Variants in DMD observed in about 807,000 individuals in gnomAD.
DMD encodes dystrophin.
Under a neutral mutation model 330.1 loss-of-function variants are expected in DMD, and 63 were observed. The observed-to-expected ratio is 0.19, with a 90% CI of 0.16 to 0.24. The LOEUF (loss-of-function observed/expected upper bound fraction) is 0.24, where lower values mean the gene tolerates loss of function less well. DMD is among the 10% of genes least tolerant of loss of function. The pLI is 1.00. For synonymous variants in DMD, 1,223 were observed against 959.8 expected (o/e 1.27, Z -5.07); for missense variants, 3,344 against 2,684.1 (o/e 1.25, Z -5.43).
At chrX:32,580,673 T>TA (rs1371498615) in intron 13 of DMD, among the ~76,000 whole-genome samples, 1 of 112,170 alleles carries the variant, frequency 8.9e-6, no homozygotes, top group Admixed American at 9.4e-5. Context: ...GATAGAATTT[T>TA]AATATAGAAC....
At chrX:32,987,396 T>C (rs1394786489) in intron 2 of DMD, among the ~76,000 whole-genome samples, 1 of 111,294 alleles carries the variant, frequency 9.0e-6, no homozygotes, top group Admixed American at 9.7e-5. Context: ...CTGATTGATG[T>C]GTGAATATGC....
intron 67 of DMD, among the ~76,000 whole-genome samples, chrX:31,194,742 A>T (rs1297525324): frequency 8.9e-6 from 1 of 112,385 alleles, no homozygotes; most frequent in Non-Finnish European, 1.9e-5. Flanking sequence ...GGTTGTGGGC[A>T]AGGCAGGAGG....
chrX:32,982,647 G>A (rs1051486718), intron 2 of DMD, among the ~76,000 whole-genome samples: 2 of 111,193 alleles, frequency 1.8e-5, no homozygotes, highest in Non-Finnish European at 3.8e-5. Flanking sequence ...TGGTTTACTG[G>A]GTCTGGAGCA....
intron 27 of DMD, among the ~76,000 whole-genome samples, chrX:32,444,495 A>T (rs1450566613): frequency 9.0e-6 from 1 of 111,392 alleles, no homozygotes; most frequent in Non-Finnish European, 1.9e-5. Flanking sequence ...CATTAGTTGT[A>T]ACAAATGGTA....
chrX:31,557,333 T>C (rs1449015430), intron 55 of DMD, among the ~76,000 whole-genome samples: 1 of 111,598 alleles, frequency 9.0e-6, no homozygotes, highest in African/African-American at 3.3e-5. Flanking sequence ...CAAACTTCTA[T>C]GGGTAATTAC....
chrX:32,412,110 A>G (rs1463927775), intron 29 of DMD, 197 bp from the exon 30 acceptor site: 5 of 1,162,214 alleles, frequency 4.3e-6, no homozygotes, highest in Non-Finnish European at 5.8e-6. Flanking sequence ...ATAGCAAACA[A>G]AACTATAGGA....
chrX:31,405,426 T>C (rs2061365682), intron 60 of DMD, among the ~76,000 whole-genome samples: 1 of 111,885 alleles, frequency 8.9e-6, no homozygotes, highest in Non-Finnish European at 1.9e-5. Context: ...CACCCTTTTG[T>C]CCCTTTAATA....
At chrX:33,071,153 T>TA (rs1434411461) in intron 1 of DMD, among the ~76,000 whole-genome samples, 3 of 111,261 alleles carry the variant, frequency 2.7e-5, no homozygotes, top group Admixed American at 1.9e-4. Flanking sequence ...TTTCCTTTTC[T>TA]AAAAAATGGA....
At chrX:32,832,929 A>T (rs1337809725) in intron 4 of DMD, among the ~76,000 whole-genome samples, 3 of 111,163 alleles carry the variant, frequency 2.7e-5, no homozygotes, top group African/African-American at 9.8e-5. Flanking sequence ...TTTGATTCAG[A>T]TATAGAAATT....
chrX:32,345,771 G>A (rs1213101557), intron 39 of DMD, among the ~76,000 whole-genome samples, 172 bp downstream of exon 39: 1 of 109,638 alleles, frequency 9.1e-6, no homozygotes, highest in Non-Finnish European at 1.9e-5. Flanking sequence ...GCAACACATC[G>A]TTCAAAATCA....
At chrX:32,401,753 G>C (rs753781691) in intron 30 of DMD, among the ~76,000 whole-genome samples, 31 of 112,666 alleles carry the variant, frequency 2.8e-4, no homozygotes, top group African/African-American at 1.0e-3. Context: ...AGATGCTTAA[G>C]GTGATAGACA....
chrX:31,546,809 C>A (rs1330145368), intron 55 of DMD, among the ~76,000 whole-genome samples: 1 of 112,185 alleles, frequency 8.9e-6, no homozygotes, highest in African/African-American at 3.2e-5. Flanking sequence ...GAAATGCCTG[C>A]AGGCAGGGAT....
intron 1 of DMD, among the ~76,000 whole-genome samples, chrX:33,193,709 T>C (rs1012632279): frequency 4.4e-5 from 5 of 112,368 alleles, no homozygotes; most frequent in African/African-American, 1.6e-4. Context: ...TGATAGCATG[T>C]TATTTTTAGA....
intron 2 of DMD, among the ~76,000 whole-genome samples, chrX:32,994,239 C>A (rs745627901): frequency 9.1e-6 from 1 of 109,387 alleles, no homozygotes; most frequent in Non-Finnish European, 1.9e-5. Flanking sequence ...TTCTCACTTC[C>A]GCTGTTTCCC....
chrX:32,714,993 G>A (rs529724096), intron 7 of DMD, among the ~76,000 whole-genome samples: 2 of 110,555 alleles, frequency 1.8e-5, no homozygotes, highest in African/African-American at 6.6e-5. Flanking sequence ...TAAAAATTCT[G>A]AATACAACAC....
chrX:31,439,213 C>T (rs762303220), intron 60 of DMD, among the ~76,000 whole-genome samples: 1 of 111,591 alleles, frequency 9.0e-6, no homozygotes, highest in South Asian at 3.8e-4. Flanking sequence ...GGTGGGCCAT[C>T]ATGGAAGTAA....
chrX:32,961,489 A>G (rs1250169079), intron 2 of DMD, among the ~76,000 whole-genome samples: 1 of 111,554 alleles, frequency 9.0e-6, no homozygotes, highest in African/African-American at 3.3e-5. Flanking sequence ...CAGAAACTCA[A>G]TAAATCTTTG....
At chrX:31,276,345 C>T (rs2052116931) in intron 62 of DMD, among the ~76,000 whole-genome samples, 1 of 112,054 alleles carries the variant, frequency 8.9e-6, no homozygotes. Flanking sequence ...AGGTGTGAGC[C>T]ACCATGCCCA....
intron 55 of DMD, among the ~76,000 whole-genome samples, chrX:31,624,586 C>T (rs2078738192): frequency 8.9e-6 from 1 of 112,171 alleles, no homozygotes; most frequent in Middle Eastern, 4.2e-3. Flanking sequence ...GGTTTTCACC[C>T]TCTCTCTTCA....
Sources: gnomAD v4.1 joint callset for allele counts (sites outside exome capture counted in the v4.1 genomes callset) on GRCh38, gnomAD v4.1.1 for gene constraint, MANE v1.5 for transcripts, NCBI Gene and HGNC (gene_info 2026-07-23, HGNC 2026-07-21) for gene names.